The following METTL1 variants were observed in gnomAD, a reference collection of about 807,000 sequenced individuals.
The protein encoded by METTL1 is tRNA (guanine-N(7)-)-methyltransferase.
METTL1 carries 14 observed loss-of-function variants against 27.7 expected under a neutral mutation model. The observed-to-expected ratio is 0.51, with a 90% confidence interval of 0.33 to 0.79. The LOEUF is 0.79. Among genes scored for constraint, METTL1 ranks in the 30% least tolerant of loss-of-function variants. METTL1 has a pLI of 0.02. For synonymous variants in METTL1, 138 were observed against 137.0 expected (o/e 1.01, Z -0.05); for missense variants, 333 against 359.6 (o/e 0.93, Z 0.60).
Position 57,769,000 on chromosome 12 carries a change from T to C in METTL1, c.827A>G (p.His276Arg), listed in dbSNP as rs771091009. The C allele has an allele frequency of 3.1e-6, 5 of 1,600,852 alleles. No individual in the cohort carries two copies. The highest frequency in any genetic ancestry group is 4.3e-6 in the Non-Finnish European group (5 of 1,170,012). Reference protein sequence around the residue: ...AVTSQTSLPGH With the variant: ...AVTSQTSLPGR ...CAGCTAAGGTAGAGTAAGCAGTCAG[T>C]GACCAGGCAGGCTGGTTTGGGAGGT... is the stretch of plus-strand genomic sequence containing the variant. Residue 276 changes from histidine (H) to arginine (R), a missense_variant, in exon 6 of 6, where the codon CAC becomes CGC. Transcript: ENST00000324871.
intron 3 of METTL1, 30 bp downstream of exon 3, chr12:57,769,742 C>A (rs765606269): frequency 6.2e-7 from 1 of 1,611,538 alleles, no homozygotes; most frequent in Admixed American, 1.7e-5. Context: ...CACCTGCCTA[C>A]CAGCCTAACC....
chr12:57,770,074 G>T, intron 2 of METTL1, 118 bp from the exon 3 acceptor site: 1 of 1,013,610 alleles, frequency 9.9e-7, no homozygotes, highest in South Asian at 1.6e-5. Context: ...GGCAAGAGAG[G>T]ACAGAGATAC....
intron 2 of METTL1, chr12:57,770,840 G>C (rs1232486135): frequency 2.6e-6 from 1 of 389,730 alleles, no homozygotes; most frequent in Non-Finnish European, 4.7e-6. Flanking sequence ...GAACCTGGCA[G>C]ATGAAATGGC....
chr12:57,769,612 T>C lies in METTL1; in HGVS notation c.526A>G (p.Ile176Val), dbSNP rs1565813672. 2 of 1,554,308 alleles carry C rather than the reference T, an allele frequency of 1.3e-6. No individual in the cohort carries two copies. The highest frequency in any genetic ancestry group is 1.7e-6 in the Non-Finnish European group (2 of 1,147,022). The part of the protein sequence containing the change: ...FKRTKHKWRI[I>V]SPTLLAEYAY... ...TATTCTGCTAGCAGGGTGGGACTGA[T>C]GATTCGCCACTTGTGCTTTGTCCGC... is the stretch of plus-strand genomic sequence containing the variant. The change falls in exon 4 of 6, where the codon ATC becomes GTC. Residue 176 changes from isoleucine (I) to valine (V), a missense_variant. Ile to Val is a conservative substitution (Grantham distance 29). Transcript: ENST00000324871.
rs768633362 is a variant in METTL1, at chr12:57,772,045, G to A, written c.39C>T (p.Ala13=). 6.4e-7 allele frequency: 1 copy of A among 1,554,538 alleles called. No homozygotes were observed. The highest frequency in any genetic ancestry group is 1.2e-5 in the South Asian group (1 of 82,758). ...AETRNVAGAE[A]PPPQKRYYRQ... ...GGTAGTAGCGCTTCTGGGGCGGTGG[G>A]GCCTCTGCTCCGGCCACGTTCCGAG... Residue 13 remains alanine (A), a synonymous_variant, in exon 1 of 6, where the codon GCC becomes GCT. Coordinates refer to ENST00000324871, the MANE Select transcript of METTL1 (RefSeq NM_005371.6). The surrounding 1 kb of genome is among the most constrained non-coding windows in gnomAD (Gnocchi z 4.1).
rs2140404841 is a variant in METTL1 at position 57,771,994 on chromosome 12, C to T, written c.90G>A (p.Met30Ile). 1 of 1,536,356 alleles carries T rather than the reference C, an allele frequency of 6.5e-7. No individual in the cohort carries two copies. The highest frequency in any genetic ancestry group is 8.7e-7 in the Non-Finnish European group (1 of 1,149,752). ...CTCACTAGCGCAGCGTGTGGTCCGCCATGGGGTTGGAGTGAGCACGTTGCC... is the reference window on the plus strand; with the variant it reads ...CTCACTAGCGCAGCGTGTGGTCCGCTATGGGGTTGGAGTGAGCACGTTGCC... ...YYRQRAHSNP[M>I]ADHTLRYPVK... is the part of the protein sequence containing the mutation. The change falls in exon 1 of 6, where the codon ATG becomes ATA. Residue 30 changes from methionine to isoleucine, a missense_variant. Physicochemically the swap from Met to Ile is conservative, Grantham distance 10 (BLOSUM62 1). Transcript: ENST00000324871.
At chr12:57,770,154 G>C (rs1163909500) in intron 2 of METTL1, among the ~76,000 whole-genome samples, 198 bp from the exon 3 acceptor site, 1 of 152,230 alleles carries the variant, frequency 6.6e-6, no homozygotes, top group African/African-American at 2.4e-5. Context: ...CAGAATGGGA[G>C]GGCTGAGGAT....
In METTL1 at chr12:57,768,604, C is replaced by G. The variant is rs1595120970; in HGVS notation, c.*392G>C. 1.0e-5 allele frequency: 2 copies of G among 200,518 alleles called. No individual in the cohort carries two copies. Among genetic ancestry groups the G allele is most frequent in the African/African-American group, 4.6e-5 (2 of 43,644 alleles). The allele number at this position is 200,518 out of a possible 1,614,324, so 12.4% of individuals were successfully genotyped here. ...GCATGTGTACACATATACATGTTATCCCAGGATCCACAAAGCAAACAGAAG... is the reference window on the plus strand; with the variant it reads ...GCATGTGTACACATATACATGTTATGCCAGGATCCACAAAGCAAACAGAAG... On this transcript the variant is annotated 3_prime_UTR_variant, in exon 6 of 6. Transcript: ENST00000324871.
At chr12:57,770,066 C>A in intron 2 of METTL1, 110 bp from the exon 3 acceptor site, 1 of 1,090,508 alleles carries the variant, frequency 9.2e-7, no homozygotes, top group Non-Finnish European at 1.3e-6. Context: ...TCCAGAACGG[C>A]AAGAGAGGAC....
At chr12:57,769,515 G>C (rs1202658987) in intron 4 of METTL1, 50 bp downstream of exon 4, 1 of 1,561,292 alleles carries the variant, frequency 6.4e-7, no homozygotes, top group African/African-American at 1.4e-5. Context: ...TCTTAGTGAA[G>C]GGCCCCTGAG....
At position 57,771,266 on chromosome 12, in the gene METTL1, A is replaced by C. The variant is rs955470825; in HGVS notation, c.111-9T>G. The C allele has an allele frequency of 6.2e-7, 1 of 1,610,914 alleles. No individual in the cohort carries two copies. The highest frequency in any genetic ancestry group is 8.5e-7 in the Non-Finnish European group (1 of 1,178,366). The stretch of plus-strand genomic sequence containing the variant: ...CCTCTGGCTTCACAGGGCTATTGGA[A>C]AGAAGACATAAGAAGCATGAGAAGG... On this transcript the variant is annotated splice_polypyrimidine_tract_variant and intron_variant, in intron 1 of 5. Transcript: ENST00000324871.
At position 57,771,089 on chromosome 12, in the gene METTL1, G is replaced by T. The variant is rs774646669; in HGVS notation, c.274+5C>A. On this transcript the variant is annotated splice_donor_5th_base_variant and intron_variant, in intron 2 of 5. Transcript: ENST00000324871. ...CTCACCCCAAAAAGAGGGCCTGAGTGTTACCTAACAGGCCACCATAGCCAC... is the reference window on the plus strand; with the variant it reads ...CTCACCCCAAAAAGAGGGCCTGAGTTTTACCTAACAGGCCACCATAGCCAC... 1 of 1,612,572 alleles carries T rather than the reference G, an allele frequency of 6.2e-7. No individual in the cohort carries two copies. Among genetic ancestry groups the T allele is most frequent in the Non-Finnish European group, 8.5e-7 (1 of 1,179,754 alleles).
At chr12:57,770,388 C>A (rs1955415561) in intron 2 of METTL1, among the ~76,000 whole-genome samples, 1 of 152,198 alleles carries the variant, frequency 6.6e-6, no homozygotes, top group Non-Finnish European at 1.5e-5. Context: ...TCTTGGCTCA[C>A]TGCAATCTCT....
In METTL1 at chr12:57,769,655, GA is replaced by G; in HGVS notation, c.482del (p.Phe161SerfsTer21). 2.6e-6 allele frequency: 4 copies of G among 1,565,182 alleles called. No homozygotes were observed. The highest frequency in any genetic ancestry group is 3.5e-6 in the Non-Finnish European group (4 of 1,152,220). On this transcript the variant is annotated frameshift_variant, in exon 4 of 6. Transcript: ENST00000324871. LOFTEE classifies it high-confidence loss of function. ...KGQLTKMFFLFPDPHFKRTKH... is the reference protein window; with the variant it reads ...KGQLTKMFFLXPDPHFKRTKH... ...TTGTCCGCTTGAAATGTGGGTCGGG[GA>G]AGAGGAAGAACATCTTTGTCAGCTG...
At chr12:57,770,546 A>T (rs1339408514) in intron 2 of METTL1, 1 of 158,954 alleles carries the variant, frequency 6.3e-6, no homozygotes, top group Admixed American at 6.0e-5. Context: ...CTGGACCTTA[A>T]ACCAAGGTTT....
In METTL1 at chr12:57,769,828, C is replaced by T. The variant is rs150961086; in HGVS notation, c.403G>A (p.Ala135Thr). ...AAPAGGFQNI[A>T]CLRSNAMKHL... Reference sequence around the variant, plus strand: ...TTCATGGCATTGCTACGGAGACAGGCGATGTTCTGGAAGCCACCTGCAGGA... The same window carrying T: ...TTCATGGCATTGCTACGGAGACAGGTGATGTTCTGGAAGCCACCTGCAGGA... Residue 135 changes from alanine to threonine, a missense_variant, in exon 3 of 6, where the codon GCC (alanine) becomes ACC (threonine). Physicochemically the swap from Ala to Thr is moderately conservative, Grantham distance 58. Transcript: ENST00000324871. 66 of 1,614,016 alleles carry T rather than the reference C, an allele frequency of 4.1e-5. No individual in the cohort carries two copies. Among genetic ancestry groups the T allele is most frequent in the Non-Finnish European group, 5.4e-5 (64 of 1,180,050 alleles).
rs578214950 is a variant in METTL1 at position 57,772,094 on chromosome 12, C to G, written c.-11G>C. 3 of 1,571,244 alleles carry G rather than the reference C, an allele frequency of 1.9e-6. No homozygotes were observed. The South Asian group carries it at 3.5e-5, about 18-fold the overall frequency. ...AGTCTCGGCTGCCATGATCCCAGTC[C>G]GGGGTTTCTCTACCAAATCCACGTG... On this transcript the variant is annotated 5_prime_UTR_variant, in exon 1 of 6. Coordinates refer to ENST00000324871, the MANE Select transcript of METTL1 (RefSeq NM_005371.6). This position sits in a 1 kb window ranked among gnomAD's most constrained non-coding sequence, Gnocchi z 4.1.
Position 57,771,076 on chromosome 12 carries a change from A to C in METTL1, c.274+18T>G, listed in dbSNP as rs748011466. On this transcript the variant is annotated intron_variant, in intron 2 of 5. Transcript: ENST00000324871. ...TACTAGGCCTCTTCTCACCCCAAAA[A>C]GAGGGCCTGAGTGTTACCTAACAGG... 3.1e-6 allele frequency: 5 copies of C among 1,609,068 alleles called. No homozygotes were observed. Among genetic ancestry groups the C allele is most frequent in the Non-Finnish European group, 4.2e-6 (5 of 1,178,582 alleles).
chr12:57,769,849 C>CA lies in METTL1; in HGVS notation c.381dup (p.Ala128CysfsTer12). The CA allele has an allele frequency of 6.2e-7, 1 of 1,614,212 alleles. No homozygotes were observed. Among genetic ancestry groups the CA allele is most frequent in the Non-Finnish European group, 8.5e-7 (1 of 1,180,040 alleles). On this transcript the variant is annotated frameshift_variant, in exon 3 of 6. Coordinates refer to ENST00000324871, the MANE Select transcript of METTL1 (RefSeq NM_005371.6). LOFTEE classifies it high-confidence loss of function. ...CAGGCGATGTTCTGGAAGCCACCTG[C>CA]AGGAGCTGCGCGTAGGGCCCGAATC...
Sources: gnomAD v4.1 joint callset for allele counts (sites outside exome capture counted in the v4.1 genomes callset) on GRCh38, gnomAD v4.1.1 for gene constraint, Gnocchi (gnomAD v3.1) non-coding constraint, MANE v1.5 for transcripts, NCBI Gene and HGNC (gene_info 2026-07-23, HGNC 2026-07-21) for gene names.